SCHIP1: variants seen among roughly 807,000 people sequenced by gnomAD.
SCHIP1 encodes schwannomin interacting protein 1.
SCHIP1 carries 8 observed loss-of-function variants against 29.7 expected under a neutral mutation model. The ratio of observed to expected loss-of-function variants is 0.27; its 90% CI spans 0.16 to 0.49. The LOEUF (loss-of-function observed/expected upper bound fraction) is 0.49, where lower values mean the gene tolerates loss of function less well. Among genes scored for constraint, SCHIP1 ranks in the 20% least tolerant of loss-of-function variants. The probability of loss-of-function intolerance (pLI) is 0.99; values close to 1 mark genes in which losing one functional copy is unlikely to be tolerated. For synonymous variants in SCHIP1, 76 were observed against 94.9 expected, an observed-to-expected ratio of 0.80 and a Z score of 1.16; for missense variants, 193 against 294.6, an observed-to-expected ratio of 0.66 and a Z score of 2.52.
the SCHIP1 span, among the ~76,000 whole-genome samples, chr3:159,357,862 A>G: frequency 1.3e-5 from 2 of 152,226 alleles, no homozygotes; most frequent in Non-Finnish European, 2.9e-5. Context: ...CAGGACTACA[A>G]GATATGATGA....
the SCHIP1 span, among the ~76,000 whole-genome samples, chr3:159,724,470 G>T: frequency 1.3e-5 from 2 of 152,130 alleles, no homozygotes; most frequent in Admixed American, 1.3e-4. Flanking sequence ...GACTTTCAAA[G>T]GGTATATTGA....
At chr3:159,309,589 A>G in the SCHIP1 span, among the ~76,000 whole-genome samples, 1 of 127,418 alleles carries the variant, frequency 7.8e-6, no homozygotes, top group South Asian at 2.3e-4. Flanking sequence ...TCACATGTGG[A>G]AGGTATCTTG....
At chr3:159,775,813 G>A in the SCHIP1 span, among the ~76,000 whole-genome samples, 2 of 152,162 alleles carry the variant, frequency 1.3e-5, no homozygotes, top group African/African-American at 4.8e-5. Flanking sequence ...TGCCATATAT[G>A]GAGAGAACTT....
At chr3:159,669,358 G>A in the SCHIP1 span, among the ~76,000 whole-genome samples, 1 of 152,198 alleles carries the variant, frequency 6.6e-6, no homozygotes, top group Non-Finnish European at 1.5e-5. Flanking sequence ...GATCATGACT[G>A]TCGTCATCAC....
the SCHIP1 span, among the ~76,000 whole-genome samples, chr3:159,287,494 A>T: frequency 6.6e-6 from 1 of 151,918 alleles, no homozygotes; most frequent in African/African-American, 2.4e-5. Flanking sequence ...GTTGAAGAAA[A>T]TTTTAATGAA....
At chr3:159,416,595 A>G in the SCHIP1 span, among the ~76,000 whole-genome samples, 1 of 152,194 alleles carries the variant, frequency 6.6e-6, no homozygotes, top group Admixed American at 6.5e-5. Flanking sequence ...ATTTTTGCTC[A>G]TTTAATTGGA....
the SCHIP1 span, among the ~76,000 whole-genome samples, chr3:159,279,000 A>C: frequency 6.6e-6 from 1 of 152,158 alleles, no homozygotes; most frequent in African/African-American, 2.4e-5. Flanking sequence ...GAAAAAGGGC[A>C]CATGTGGGAG....
At chr3:159,446,021 T>TATAATAATA in the SCHIP1 span, among the ~76,000 whole-genome samples, 58 of 149,848 alleles carry the variant, frequency 3.9e-4, no homozygotes, top group African/African-American at 1.4e-3. Flanking sequence ...AAACTTAAAG[T>TATAATAATA]ATAATAATAA....
chr3:159,656,539 C>T, the SCHIP1 span, among the ~76,000 whole-genome samples: 33 of 152,228 alleles, frequency 2.2e-4, no homozygotes, highest in Non-Finnish European at 4.4e-4. Context: ...TCCTATACAA[C>T]GGCATGGTGT....
At chr3:159,724,186 GC>G in the SCHIP1 span, among the ~76,000 whole-genome samples, 2 of 152,102 alleles carry the variant, frequency 1.3e-5, no homozygotes, top group African/African-American at 2.4e-5. Flanking sequence ...CTTATTGATT[GC>G]CTTTTCATAT....
At chr3:159,537,722 C>T in the SCHIP1 span, among the ~76,000 whole-genome samples, 27 of 152,060 alleles carry the variant, frequency 1.8e-4, no homozygotes, top group African/African-American at 5.3e-4. Context: ...AAGGGAAGGG[C>T]GAGCACAAGA....
At chr3:159,894,035 C>A (rs1717818414) in intron 6 of SCHIP1, 1 of 152,290 alleles carries the variant, frequency 6.6e-6, no homozygotes, top group African/African-American at 2.4e-5. Flanking sequence ...TGTACAACTC[C>A]TACTATTCCA....
intron 6 of SCHIP1, among the ~76,000 whole-genome samples, chr3:159,895,136 T>C (rs1232632104): frequency 1.3e-5 from 2 of 152,236 alleles, no homozygotes; most frequent in African/African-American, 4.8e-5. Context: ...TTGATTCTTG[T>C]TACACATCAA....
the SCHIP1 span, among the ~76,000 whole-genome samples, chr3:159,641,509 G>T: frequency 6.6e-6 from 1 of 152,094 alleles, no homozygotes; most frequent in Non-Finnish European, 1.5e-5. Context: ...TCTGTGCCTG[G>T]ATACGAACAG....
At chr3:159,600,177 T>C in the SCHIP1 span, among the ~76,000 whole-genome samples, 50 of 152,324 alleles carry the variant, frequency 3.3e-4, no homozygotes, top group South Asian at 2.1e-3. Context: ...ATTCTGATTA[T>C]AACATACCAT....
chr3:159,728,909 G>A, the SCHIP1 span, among the ~76,000 whole-genome samples: 2 of 152,160 alleles, frequency 1.3e-5, no homozygotes, highest in Admixed American at 1.3e-4. Context: ...CACCACTTTG[G>A]GAGGCCAAGG....
chr3:159,629,890 G>T, the SCHIP1 span, among the ~76,000 whole-genome samples: 1 of 152,190 alleles, frequency 6.6e-6, no homozygotes, highest in African/African-American at 2.4e-5. Flanking sequence ...CACAGCCCAG[G>T]AGGGAGGACA....
chr3:159,567,556 A>G, the SCHIP1 span, among the ~76,000 whole-genome samples: 9 of 152,074 alleles, frequency 5.9e-5, no homozygotes, highest in Non-Finnish European at 8.8e-5. Flanking sequence ...CCTCTTTAGC[A>G]AAACACAGCG....
chr3:159,324,841 AC>A, the SCHIP1 span, among the ~76,000 whole-genome samples: 7 of 152,180 alleles, frequency 4.6e-5, no homozygotes, highest in African/African-American at 1.4e-4. Context: ...GAGATATTCA[AC>A]TATGACATCA....
Sources: allele counts gnomAD v4.1 joint callset (sites outside exome capture counted in the v4.1 genomes callset), GRCh38; gene constraint gnomAD v4.1.1; transcripts MANE v1.5; gene names NCBI Gene and HGNC (gene_info 2026-07-23, HGNC 2026-07-21).